PLA2G4C: variants seen among roughly 807,000 people sequenced by gnomAD.
PLA2G4C encodes phospholipase A2 group IVC.
A neutral mutation model predicts 73.8 loss-of-function variants in PLA2G4C; 64 were observed. That is an observed-to-expected ratio of 0.87 (90% CI 0.71 to 1.07). The LOEUF (loss-of-function observed/expected upper bound fraction) is 1.07, where lower values mean the gene tolerates loss of function less well. Among genes scored for constraint, PLA2G4C ranks in the 50% least tolerant of loss-of-function variants. PLA2G4C has a pLI of 0.00. For missense variants in PLA2G4C, 622 were observed against 665.4 expected (o/e 0.93, Z 0.72); for synonymous variants, 254 against 252.1 (o/e 1.01, Z -0.07).
Position 48,068,027 on chromosome 19 carries a change from G to A in PLA2G4C, c.1007-141C>T, listed in dbSNP as rs752027667. On this transcript the variant is annotated intron_variant, in intron 12 of 16. Coordinates refer to ENST00000599921, the MANE Select transcript of PLA2G4C (RefSeq NM_003706.3). ...ACTTTTAAAGAGGTCATTCAGGGCCGGCGCGTTGGCTCACGCCAGTCATCC... is the reference window on the plus strand; with the variant it reads ...ACTTTTAAAGAGGTCATTCAGGGCCAGCGCGTTGGCTCACGCCAGTCATCC... 151 of 679,666 alleles carry A rather than the reference G, an allele frequency of 2.2e-4. 1 individual carries two copies. Among genetic ancestry groups the A allele is most frequent in the Non-Finnish European group, 3.6e-4 (134 of 375,470 alleles). The allele number at this position is 679,666 out of a possible 1,614,324, so 42.1% of individuals were successfully genotyped here. A position where few individuals can be genotyped will look rare whatever the true frequency, so the allele number is the denominator to read the frequency against.
chr19:48,056,664 C>T (rs545102079), intron 14 of PLA2G4C, among the ~76,000 whole-genome samples: 32 of 150,708 alleles, frequency 2.1e-4, no homozygotes, highest in African/African-American at 7.6e-4. Context: ...AACCCCATCT[C>T]TACTAAAATT....
At chr19:48,074,534 G>A in intron 12 of PLA2G4C, 1 of 530,358 alleles carries the variant, frequency 1.9e-6, no homozygotes. Context: ...AGTATTTCTG[G>A]ATCTAGATCC....
chr19:48,092,064 A>G (rs2031336238), intron 7 of PLA2G4C, among the ~76,000 whole-genome samples: 1 of 126,762 alleles, frequency 7.9e-6, no homozygotes, highest in African/African-American at 3.2e-5. Flanking sequence ...TCCTCAAAAA[A>G]AAAATTTTTT....
intron 12 of PLA2G4C, among the ~76,000 whole-genome samples, chr19:48,071,441 C>T (rs1385428983): frequency 6.6e-6 from 1 of 152,080 alleles, no homozygotes; most frequent in Non-Finnish European, 1.5e-5. Context: ...CAGGCATGTG[C>T]CACCACGCCC....
intron 9 of PLA2G4C, among the ~76,000 whole-genome samples, chr19:48,086,694 C>A (rs945257770): frequency 1.3e-5 from 2 of 152,142 alleles, no homozygotes; most frequent in African/African-American, 4.8e-5. Context: ...GGAGGCCAAC[C>A]AACACAGTCC....
At chr19:48,053,802 C>G (rs1967823016) in intron 15 of PLA2G4C, among the ~76,000 whole-genome samples, 1 of 152,152 alleles carries the variant, frequency 6.6e-6, no homozygotes, top group Non-Finnish European at 1.5e-5. Flanking sequence ...TAATGGGAGT[C>G]TCATCGCAGG....
intron 4 of PLA2G4C, among the ~76,000 whole-genome samples, chr19:48,101,126 A>ATATATATT (rs1491313107): frequency 1.8e-3 from 134 of 74,104 alleles, no homozygotes; most frequent in African/African-American, 6.2e-3. Context: ...ATATATATAT[A>ATATATATT]TTTTTTTTTT....
In PLA2G4C at chr19:48,088,680, G is replaced by A; in HGVS notation, c.790+6C>T. On this transcript the variant is annotated splice_donor_region_variant and intron_variant, in intron 9 of 16. Coordinates refer to ENST00000599921, the MANE Select transcript of PLA2G4C (RefSeq NM_003706.3). ...TCAGGGATTCATGATGAAGTAGGAT[G>A]CTTACCTTTCAGGGTCAGATTCCTT... 1.2e-6 allele frequency: 2 copies of A among 1,603,386 alleles called. No individual in the cohort carries two copies. Among genetic ancestry groups the A allele is most frequent in the Non-Finnish European group, 1.7e-6 (2 of 1,170,162 alleles).
At chr19:48,060,142 C>T (rs915293901) in intron 14 of PLA2G4C, among the ~76,000 whole-genome samples, 16 of 152,028 alleles carry the variant, frequency 1.1e-4, no homozygotes, top group African/African-American at 2.7e-4. Context: ...AGCTCGCAGA[C>T]GGCCTATTGT....
intron 12 of PLA2G4C, among the ~76,000 whole-genome samples, chr19:48,069,389 G>C (rs758344662): frequency 6.6e-6 from 1 of 152,034 alleles, no homozygotes; most frequent in Non-Finnish European, 1.5e-5. Flanking sequence ...ACACTTTCCC[G>C]TGCTCCCTTC....
chr19:48,104,495 C>CG (rs2032066898), intron 4 of PLA2G4C, 93 bp downstream of exon 4: 1 of 1,225,624 alleles, frequency 8.2e-7, no homozygotes, highest in African/African-American at 1.5e-5. Flanking sequence ...CGAGAAGCAG[C>CG]GTTGGAAAAA....
At chr19:48,105,094 A>AC (rs1342443432) in intron 3 of PLA2G4C, among the ~76,000 whole-genome samples, 5 of 146,874 alleles carry the variant, frequency 3.4e-5, no homozygotes, top group African/African-American at 1.3e-4. Context: ...AAAAAAAAAA[A>AC]AAAAAAAAAA....
intron 7 of PLA2G4C, among the ~76,000 whole-genome samples, chr19:48,091,255 G>A (rs1046906479): frequency 2.0e-5 from 3 of 151,592 alleles, no homozygotes; most frequent in South Asian, 2.1e-4. Context: ...GTGTGATCTC[G>A]GCTCACTGCA....
intron 16 of PLA2G4C, 126 bp from the exon 17 acceptor site, chr19:48,048,514 T>C (rs1568417176): frequency 1.8e-6 from 1 of 570,032 alleles, no homozygotes; most frequent in Non-Finnish European, 3.0e-6. Flanking sequence ...CATTCATCCA[T>C]TCTTTCATTC....
intron 14 of PLA2G4C, 66 bp downstream of exon 14, chr19:48,061,932 C>T (rs540153631): frequency 4.5e-6 from 7 of 1,550,108 alleles, no homozygotes; most frequent in African/African-American, 2.7e-5. Context: ...TCAGTTCCTC[C>T]GCAAAGTCAG....
intron 5 of PLA2G4C, among the ~76,000 whole-genome samples, chr19:48,098,892 AC>A (rs1302166860): frequency 2.0e-5 from 3 of 150,132 alleles, no homozygotes; most frequent in Non-Finnish European, 4.4e-5. Context: ...ACAGAGTGAA[AC>A]CCTGTCTCAA....
At chr19:48,064,058 G>C (rs1197742976) in intron 13 of PLA2G4C, 1 of 152,078 alleles carries the variant, frequency 6.6e-6, no homozygotes, top group Non-Finnish European at 1.5e-5. Context: ...TTATATATAG[G>C]AAAACAACAA....
chr19:48,062,144 G>C lies in PLA2G4C; in HGVS notation c.1111C>G (p.Arg371Gly), dbSNP rs751236206. 6.3e-7 allele frequency: 1 copy of C among 1,575,862 alleles called. No homozygotes were observed. Among genetic ancestry groups the C allele is most frequent in the South Asian group, 1.2e-5 (1 of 84,896 alleles). The part of the protein sequence containing the change: ...HNFLYKHGGI[R>G]DKIMSSRKHL... The stretch of plus-strand genomic sequence containing the variant: ...TTCCGGCTGCTCATTATCTTGTCCC[G>C]GATGCCACCTGTGGTGCCCAGGAAG... Residue 371 changes from arginine (R) to glycine (G), a missense_variant, in exon 14 of 17, where the codon CGG becomes GGG. By Grantham distance (125) the Arg-to-Gly change is moderately radical (BLOSUM62 -2). Transcript: ENST00000599921.
At chr19:48,076,760 A>G (rs940277822) in intron 11 of PLA2G4C, among the ~76,000 whole-genome samples, 6 of 152,022 alleles carry the variant, frequency 3.9e-5, no homozygotes, top group African/African-American at 1.4e-4. Flanking sequence ...AAAAAAGAAA[A>G]AAGAAAAGGA....
Sources: gnomAD v4.1 joint callset for allele counts (sites outside exome capture counted in the v4.1 genomes callset) on GRCh38, gnomAD v4.1.1 for gene constraint, MANE v1.5 for transcripts, NCBI Gene and HGNC (gene_info 2026-07-23, HGNC 2026-07-21) for gene names.